RNF38: variants seen among roughly 807,000 people sequenced by gnomAD.
RNF38 encodes the protein ring finger protein 38.
A neutral mutation model predicts 67.2 loss-of-function variants in RNF38; 15 were observed. That is an observed-to-expected ratio of 0.22 (90% CI 0.15 to 0.34). The LOEUF (loss-of-function observed/expected upper bound fraction) is 0.34. Ranked by LOEUF, RNF38 falls within the 10% of genes least tolerant of loss-of-function variation. The probability of loss-of-function intolerance (pLI) is 1.00; values close to 1 mark genes in which losing one functional copy is unlikely to be tolerated. For missense variants in RNF38, 524 were observed against 639.9 expected (o/e 0.82, Z 1.95); for synonymous variants, 220 against 218.8 (o/e 1.01, Z -0.05).
intron 2 of RNF38, among the ~76,000 whole-genome samples, chr9:36,379,477 C>T (rs1836041478): frequency 6.6e-6 from 1 of 152,060 alleles, no homozygotes. Flanking sequence ...AAATTTTGTA[C>T]TCCAATCACA....
intron 4 of RNF38, among the ~76,000 whole-genome samples, chr9:36,360,868 T>C (rs977721337): frequency 6.6e-6 from 1 of 152,130 alleles, no homozygotes; most frequent in Non-Finnish European, 1.5e-5. Flanking sequence ...TGGAGTGCAG[T>C]GGTGCCATCA....
intron 1 of RNF38, among the ~76,000 whole-genome samples, chr9:36,483,334 C>T (rs567892379): frequency 6.6e-6 from 1 of 151,780 alleles, no homozygotes; most frequent in South Asian, 2.1e-4. Flanking sequence ...TGCAGTGAGC[C>T]GAGATTGCGC....
intron 2 of RNF38, among the ~76,000 whole-genome samples, chr9:36,384,111 T>A (rs1439129322): frequency 6.6e-6 from 1 of 152,200 alleles, no homozygotes; most frequent in African/African-American, 2.4e-5. Flanking sequence ...AAAAACTAAT[T>A]TAGCTTGATG....
At position 36,338,615 on chromosome 9, in the gene RNF38, C is replaced by A. The variant is rs550451315; in HGVS notation, c.*1137G>T. Reference sequence around the variant, plus strand: ...TGAGTTGCCCACAGGAGCTTGAACACAGAACACATATGAGAAGTCAAGCTG... The same window carrying A: ...TGAGTTGCCCACAGGAGCTTGAACAAAGAACACATATGAGAAGTCAAGCTG... On this transcript the variant is annotated 3_prime_UTR_variant, in exon 12 of 12. Coordinates refer to ENST00000259605, the MANE Select transcript of RNF38 (RefSeq NM_022781.5). The A allele has an allele frequency of 3.9e-5, 6 of 152,354 alleles. No homozygotes were observed. Among genetic ancestry groups the A allele is most frequent in the African/African-American group, 1.4e-4 (6 of 41,544 alleles). 9.4% of individuals were successfully genotyped at this position (152,354 alleles called of 1,614,324 possible).
At chr9:36,463,642 A>G (rs1839788999) in intron 1 of RNF38, among the ~76,000 whole-genome samples, 1 of 152,228 alleles carries the variant, frequency 6.6e-6, no homozygotes, top group Non-Finnish European at 1.5e-5. Flanking sequence ...AATGGTACTG[A>G]TGAATCACAC....
Position 36,451,506 on chromosome 9 carries a change from T to G in RNF38, n.242-26823A>C, listed in dbSNP as rs1245994246. Among the ~76,000 whole-genome samples the G allele has an allele frequency of 1.5e-4, 21 of 141,564 alleles. 1 individual carries two copies. Among genetic ancestry groups the G allele is most frequent in the African/African-American group, 5.2e-4 (20 of 38,752 alleles). 92.9% of individuals were successfully genotyped at this position (141,564 alleles called of 152,430 possible). A position where few individuals can be genotyped will look rare whatever the true frequency, so the allele number is the denominator to read the frequency against. ...AATTGTAGTAGTTTTTTTTTTTTTT[T>G]TTTTTTTTTTTGAGACGGAGTTTCG... On this transcript the variant is annotated intron_variant and non_coding_transcript_variant, in intron 1 of 3. Coordinates refer to the RNF38 transcript ENST00000488058.
At chr9:36,394,101 C>A (rs1448972166) in intron 1 of RNF38, among the ~76,000 whole-genome samples, 1 of 152,032 alleles carries the variant, frequency 6.6e-6, no homozygotes, top group Non-Finnish European at 1.5e-5. Context: ...ATGATGAAAC[C>A]CCATCTCTAC....
intron 1 of RNF38, among the ~76,000 whole-genome samples, chr9:36,466,523 T>C (rs148876148): frequency 2.0e-5 from 3 of 152,336 alleles, no homozygotes; most frequent in African/African-American, 4.8e-5. Flanking sequence ...GGGTTCACAC[T>C]ATGATGATTC....
intron 1 of RNF38, among the ~76,000 whole-genome samples, chr9:36,465,423 T>C (rs1209082915): frequency 1.3e-5 from 2 of 152,318 alleles, no homozygotes; most frequent in African/African-American, 2.4e-5. Flanking sequence ...CTCGGCTCAC[T>C]GCAACTTCCA....
At chr9:36,367,945 A>G (rs879455128) in intron 4 of RNF38, among the ~76,000 whole-genome samples, 1 of 152,176 alleles carries the variant, frequency 6.6e-6, no homozygotes, top group Non-Finnish European at 1.5e-5. Flanking sequence ...TCCACCTCAC[A>G]GGTTCAAGCG....
chr9:36,401,969 G>T (rs1461599507), upstream of RNF38, among the ~76,000 whole-genome samples: 1 of 152,166 alleles, frequency 6.6e-6, no homozygotes, highest in Non-Finnish European at 1.5e-5. Context: ...AGTAAATGTT[G>T]TTTCAGGACC....
chr9:36,467,751 A>G (rs1587194469), intron 1 of RNF38, among the ~76,000 whole-genome samples: 2 of 152,344 alleles, frequency 1.3e-5, no homozygotes, highest in East Asian at 1.9e-4. Flanking sequence ...CCAAAATGGT[A>G]CCTGTTACCA....
chr9:36,454,317 G>A (rs1839531988), intron 1 of RNF38, among the ~76,000 whole-genome samples: 1 of 151,886 alleles, frequency 6.6e-6, no homozygotes, highest in Admixed American at 6.6e-5. Flanking sequence ...TAGTAGAGAC[G>A]TGGTTTTGCC....
At chr9:36,359,444 A>T (rs918129144) in intron 4 of RNF38, among the ~76,000 whole-genome samples, 2 of 152,142 alleles carry the variant, frequency 1.3e-5, no homozygotes, top group African/African-American at 4.8e-5. Context: ...ATGGACAATT[A>T]TACTTGCTCC....
upstream of RNF38, among the ~76,000 whole-genome samples, chr9:36,401,928 G>A (rs535214418): frequency 6.6e-6 from 1 of 152,162 alleles, no homozygotes; most frequent in Non-Finnish European, 1.5e-5. Flanking sequence ...CTGGGCCTCA[G>A]CTGCAACCAG....
rs1257947800 is a variant in RNF38 at position 36,337,616 on chromosome 9, T to A, written c.*2136A>T. On this transcript the variant is annotated 3_prime_UTR_variant, in exon 12 of 12. Transcript: ENST00000259605. ...TAAATTTTTTGCAGCTATATAAAAG[T>A]GTATAAGATGGGCTTTTGCCATTTT... The A allele has an allele frequency of 6.6e-6, 1 of 152,576 alleles. No individual in the cohort carries two copies. The highest frequency in any genetic ancestry group is 1.9e-4 in the East Asian group (1 of 5,200). 9.5% of individuals were successfully genotyped at this position (152,576 alleles called of 1,614,324 possible).
At chr9:36,341,800 A>G (rs1832855235) in intron 11 of RNF38, among the ~76,000 whole-genome samples, 2 of 72,516 alleles carry the variant, frequency 2.8e-5, no homozygotes, top group Non-Finnish European at 2.5e-5. Flanking sequence ...CAAAATATAT[A>G]TATATATATA....
chr9:36,446,544 C>G (rs1383489455), intron 1 of RNF38, among the ~76,000 whole-genome samples: 1 of 152,098 alleles, frequency 6.6e-6, no homozygotes, highest in Non-Finnish European at 1.5e-5. Flanking sequence ...CAGTGGCTCA[C>G]GCCTGTAATC....
intron 1 of RNF38, among the ~76,000 whole-genome samples, chr9:36,430,449 C>T (rs1489550447): frequency 3.3e-5 from 5 of 152,106 alleles, no homozygotes; most frequent in African/African-American, 9.7e-5. Context: ...AGGTGATGCA[C>T]CCACCTCAGC....
Sources: allele counts gnomAD v4.1 joint callset (sites outside exome capture counted in the v4.1 genomes callset), GRCh38; gene constraint gnomAD v4.1.1; transcripts MANE v1.5; gene names NCBI Gene and HGNC (gene_info 2026-07-23, HGNC 2026-07-21).